RASGRP1: variants seen among roughly 807,000 people sequenced by gnomAD.
The protein encoded by RASGRP1 is RAS guanyl releasing protein 1.
RASGRP1 carries 37 observed loss-of-function variants against 95.1 expected under a neutral mutation model. The ratio of observed to expected loss-of-function variants is 0.39; its 90% CI spans 0.30 to 0.51. The LOEUF is 0.51. Ranked by LOEUF, RASGRP1 falls within the 20% of genes least tolerant of loss-of-function variation. The probability of loss-of-function intolerance (pLI) is 0.80; values close to 1 mark genes in which losing one functional copy is unlikely to be tolerated. For synonymous variants in RASGRP1, 325 were observed against 353.4 expected (o/e 0.92, Z 0.90); for missense variants, 711 against 965.4 (o/e 0.74, Z 3.49).
In RASGRP1 at chr15:38,513,197, G is replaced by A. The variant is rs111848879; in HGVS notation, c.676-241C>T. ...ACATCGAAAGTTATTAGGAATAAGT[G>A]GATGTGTAGACACATTAGTTAATCC... On this transcript the variant is annotated intron_variant, in intron 6 of 16. Coordinates refer to ENST00000310803, the MANE Select transcript of RASGRP1 (RefSeq NM_005739.4). Among the ~76,000 whole-genome samples, 768 of 152,312 alleles carry A rather than the reference G, an allele frequency of 5.0e-3. 6 individuals are homozygous for A. The highest frequency in any genetic ancestry group is 0.018 in the African/African-American group (741 of 41,566).
At chr15:38,543,561 C>CTTTTTTTTTTTTTTTTT (rs1312763434) in intron 2 of RASGRP1, among the ~76,000 whole-genome samples, 4 of 60,694 alleles carry the variant, frequency 6.6e-5, no homozygotes, top group Non-Finnish European at 1.4e-4. Context: ...AAACTCTAGT[C>CTTTTTTTTTTTTTTTTT]TTTTTTTTTT....
At chr15:38,528,977 C>T (rs1330895119) in intron 2 of RASGRP1, among the ~76,000 whole-genome samples, 1 of 152,188 alleles carries the variant, frequency 6.6e-6, no homozygotes, top group South Asian at 2.1e-4. Context: ...GCACCACCAA[C>T]CATCCTCTCA....
At chr15:38,553,690 C>A (rs1027518195) in intron 2 of RASGRP1, among the ~76,000 whole-genome samples, 4 of 152,192 alleles carry the variant, frequency 2.6e-5, no homozygotes, top group African/African-American at 9.7e-5. Context: ...TTTACACAGC[C>A]AACAGACAGG....
Position 38,507,806 on chromosome 15 carries a change from T to C in RASGRP1, c.1162A>G (p.Asn388Asp). 1 of 1,612,294 alleles carries C rather than the reference T, an allele frequency of 6.2e-7. No homozygotes were observed. The highest frequency in any genetic ancestry group is 2.2e-5 in the East Asian group (1 of 44,746). ...VNVHKLLALY[N>D]HISELVQLQE... is the part of the protein sequence containing the mutation. ...AGCTGGACCAATTCACTGATATGAT[T>C]GTATAGGGCCAGTAGCTTATGGACG... Residue 388 changes from asparagine to aspartate, a missense_variant, in exon 9 of 17, where the codon AAT (asparagine) becomes GAT (aspartate). By Grantham distance (23) the Asn-to-Asp change is conservative. Transcript: ENST00000310803.
At chr15:38,553,266 A>T (rs533932667) in intron 2 of RASGRP1, among the ~76,000 whole-genome samples, 52 of 152,338 alleles carry the variant, frequency 3.4e-4, no homozygotes, top group Non-Finnish European at 6.5e-4. Flanking sequence ...AAGTTCTAAC[A>T]TCAGCAGGTG....
intron 2 of RASGRP1, among the ~76,000 whole-genome samples, chr15:38,543,459 CA>C (rs1360238415): frequency 1.3e-5 from 2 of 151,726 alleles, no homozygotes; most frequent in Non-Finnish European, 2.9e-5. Flanking sequence ...GTCTTGAAAA[CA>C]GGTAGTGTAA....
rs1331009282 is a variant in RASGRP1 at position 38,489,708 on chromosome 15, G to A, written c.*846C>T. 1 of 143,212 alleles carries A rather than the reference G, an allele frequency of 7.0e-6. No individual in the cohort carries two copies. The highest frequency in any genetic ancestry group is 1.5e-5 in the Non-Finnish European group (1 of 65,442). The allele number at this position is 143,212 out of a possible 1,614,324, so 8.9% of individuals were successfully genotyped here. ...AGAAGAGAAAGATGGAACATGAAGA[G>A]TTAAACAGACTCTTCATAGACTTTT... On this transcript the variant is annotated 3_prime_UTR_variant, in exon 17 of 17. Transcript: ENST00000310803.
chr15:38,498,656 T>G lies in RASGRP1; in HGVS notation c.1873+138A>C, dbSNP rs57207577. 3.4e-3 allele frequency: 3,529 copies of G among 1,039,452 alleles called. 69 individuals are homozygous for G. The African/African-American group carries it at 0.046, about 14-fold the overall frequency. The allele number at this position is 1,039,452 out of a possible 1,614,324, so 64.4% of individuals were successfully genotyped here. A position where few individuals can be genotyped will look rare whatever the true frequency, so the allele number is the denominator to read the frequency against. ...GGCATGGAGCTAAAATCCAAAACTG[T>G]GGGAGGGGTCAGCCCTGGCCTAGCT... is the stretch of plus-strand genomic sequence containing the variant. On this transcript the variant is annotated intron_variant, in intron 15 of 16. Transcript: ENST00000310803.
Position 38,502,168 on chromosome 15 carries a change from A to G in RASGRP1, c.1538+144T>C, listed in dbSNP as rs149225929. On this transcript the variant is annotated intron_variant, in intron 12 of 16. Coordinates refer to ENST00000310803, the MANE Select transcript of RASGRP1 (RefSeq NM_005739.4). ...CTGTGCCCAGGCCCAGAATATTTTT[A>G]AAAGAATGCATATTTCATGGTCTGT... is the stretch of plus-strand genomic sequence containing the variant. 9.4e-4 allele frequency: 578 copies of G among 611,892 alleles called. 1 individual carries two copies. In the African/African-American group the frequency reaches 9.7e-3, roughly 10 times the overall value. 37.9% of individuals were successfully genotyped at this position (611,892 alleles called of 1,614,324 possible).
chr15:38,558,685 G>C (rs1893674832), intron 2 of RASGRP1, among the ~76,000 whole-genome samples: 1 of 152,216 alleles, frequency 6.6e-6, no homozygotes, highest in Non-Finnish European at 1.5e-5. Context: ...GTGTGATTCT[G>C]ACACTCTAAT....
At chr15:38,526,961 AAAG>A (rs1254245962) in intron 2 of RASGRP1, among the ~76,000 whole-genome samples, 1 of 152,222 alleles carries the variant, frequency 6.6e-6, no homozygotes, top group East Asian at 1.9e-4. Context: ...GATGGAAATA[AAAG>A]AAGACTATGG....
chr15:38,549,339 G>A (rs1428779296), intron 2 of RASGRP1, among the ~76,000 whole-genome samples: 1 of 152,212 alleles, frequency 6.6e-6, no homozygotes, highest in Non-Finnish European at 1.5e-5. Context: ...ATTTAAGGAT[G>A]TTCCATAGTC....
intron 2 of RASGRP1, among the ~76,000 whole-genome samples, chr15:38,554,411 A>C (rs1364901986): frequency 6.6e-6 from 1 of 152,004 alleles, no homozygotes; most frequent in Non-Finnish European, 1.5e-5. Flanking sequence ...CAGAAGTAAA[A>C]CTCATCTCTC....
chr15:38,525,930 A>G (rs1369215460), intron 3 of RASGRP1, among the ~76,000 whole-genome samples: 1 of 152,230 alleles, frequency 6.6e-6, no homozygotes, highest in Non-Finnish European at 1.5e-5. Context: ...AGAATTGGAC[A>G]GGAAGGCCAG....
chr15:38,549,532 C>G (rs751182922), intron 2 of RASGRP1, among the ~76,000 whole-genome samples: 24 of 152,214 alleles, frequency 1.6e-4, no homozygotes, highest in Non-Finnish European at 2.9e-4. Flanking sequence ...GCTCCTCCAA[C>G]TAGAAATCCT....
chr15:38,554,942 T>C (rs1206344368), intron 2 of RASGRP1, among the ~76,000 whole-genome samples: 1 of 152,230 alleles, frequency 6.6e-6, no homozygotes, highest in Non-Finnish European at 1.5e-5. Context: ...CAACTGACTT[T>C]GTTCCTTGGT....
chr15:38,536,278 G>A (rs566294688), intron 2 of RASGRP1, among the ~76,000 whole-genome samples: 2 of 152,262 alleles, frequency 1.3e-5, no homozygotes, highest in South Asian at 2.1e-4. Flanking sequence ...AAGGAGCAGC[G>A]GGGCCCTGTC....
intron 3 of RASGRP1, among the ~76,000 whole-genome samples, chr15:38,522,707 G>A (rs1323845450): frequency 1.3e-5 from 2 of 152,140 alleles, no homozygotes; most frequent in Non-Finnish European, 2.9e-5. Context: ...ATGATAAAAG[G>A]CCCCATTACA....
intron 2 of RASGRP1, among the ~76,000 whole-genome samples, chr15:38,537,485 G>A (rs1294564340): frequency 1.3e-5 from 2 of 152,098 alleles, no homozygotes; most frequent in East Asian, 1.9e-4. Flanking sequence ...TGCCATGCAC[G>A]CAACCCCATG....
Sources: allele counts gnomAD v4.1 joint callset (sites outside exome capture counted in the v4.1 genomes callset), GRCh38; gene constraint gnomAD v4.1.1; transcripts MANE v1.5; gene names NCBI Gene and HGNC (gene_info 2026-07-23, HGNC 2026-07-21).